NOL10: variants seen among roughly 807,000 people sequenced by gnomAD.
NOL10 encodes nucleolar protein 10.
NOL10 carries 58 observed loss-of-function variants against 103.5 expected under a neutral mutation model. That is an observed-to-expected ratio of 0.56 (90% CI 0.45 to 0.70). NOL10 has a LOEUF of 0.70. NOL10 is among the 30% of genes least tolerant of loss of function. The probability of loss-of-function intolerance (pLI) is 0.00; values close to 1 mark genes in which losing one functional copy is unlikely to be tolerated. For missense variants in NOL10, 763 were observed against 807.3 expected (o/e 0.95, Z 0.67); for synonymous variants, 287 against 282.5 (o/e 1.02, Z -0.16).
chr2:10,654,697 T>C (rs1204451088), intron 11 of NOL10, 150 bp from the exon 12 acceptor site: 4 of 502,678 alleles, frequency 8.0e-6, no homozygotes, highest in Non-Finnish European at 1.1e-5. Context: ...TTAAAAATCT[T>C]AGAGAATTTA....
intron 1 of NOL10, 86 bp downstream of exon 1, chr2:10,689,710 G>A: frequency 7.4e-7 from 1 of 1,356,616 alleles, no homozygotes; most frequent in Non-Finnish European, 1.0e-6. Flanking sequence ...CTAAAACAGA[G>A]GCTAGGGCCG....
chr2:10,613,000 T>TC, intron 13 of NOL10, among the ~76,000 whole-genome samples: 2 of 126,574 alleles, frequency 1.6e-5, no homozygotes, highest in Admixed American at 1.6e-4. Flanking sequence ...TAAGACCCTG[T>TC]TAAAAAAAAA....
intron 20 of NOL10, among the ~76,000 whole-genome samples, chr2:10,573,829 C>T (rs186261732): frequency 2.2e-3 from 336 of 152,280 alleles, no homozygotes; most frequent in African/African-American, 7.7e-3. Context: ...CCACTGTGCT[C>T]CGTCTCAAAG....
chr2:10,662,371 A>G (rs1437410419), intron 9 of NOL10, among the ~76,000 whole-genome samples: 1 of 152,198 alleles, frequency 6.6e-6, no homozygotes, highest in Non-Finnish European at 1.5e-5. Context: ...TGAGCAATGT[A>G]TGCTCTGGGC....
chr2:10,609,975 T>C (rs930407292), intron 13 of NOL10, among the ~76,000 whole-genome samples: 3 of 152,192 alleles, frequency 2.0e-5, no homozygotes, highest in Non-Finnish European at 4.4e-5. Context: ...AAAACACATA[T>C]GAATTTCATA....
At chr2:10,603,418 A>G (rs527747802) in intron 14 of NOL10, among the ~76,000 whole-genome samples, 1 of 152,318 alleles carries the variant, frequency 6.6e-6, no homozygotes, top group South Asian at 2.1e-4. Context: ...GGGTTCCCTT[A>G]TACCCTCTGA....
intron 19 of NOL10, among the ~76,000 whole-genome samples, 184 bp downstream of exon 19, chr2:10,588,859 C>T (rs1224024853): frequency 2.0e-5 from 3 of 152,220 alleles, no homozygotes; most frequent in African/African-American, 7.2e-5. Context: ...TCCCCTCAGG[C>T]CTCCTGGGTG....
In NOL10 at chr2:10,643,151, C is replaced by T. The variant is rs138197640; in HGVS notation, c.1026+1169G>A. Among the ~76,000 whole-genome samples the T allele has an allele frequency of 1.0e-3, 152 of 152,284 alleles. 2 individuals carry two copies. The highest frequency in any genetic ancestry group is 3.4e-3 in the Middle Eastern group (1 of 294). ...AAAACCAAAATGCTTCCTGTTTGAA[C>T]GGCCTTCATTTCACTACCAACCAAA... On this transcript the variant is annotated intron_variant, in intron 13 of 20. Coordinates refer to ENST00000381685, the MANE Select transcript of NOL10 (RefSeq NM_024894.4).
At chr2:10,593,127 T>C (rs1343955806) in intron 17 of NOL10, among the ~76,000 whole-genome samples, 5 of 118,034 alleles carry the variant, frequency 4.2e-5, no homozygotes, top group Non-Finnish European at 9.4e-5. Context: ...TGAAACAAAT[T>C]AGTTTTTTTT....
rs181991271 is a variant in NOL10 at position 10,664,257 on chromosome 2, C to G, written c.592-1213G>C. ...ACCAGCCTGGCCAATGGTGAAACCC[C>G]GTCTCTACTAAAAATACAAAATTAG... On this transcript the variant is annotated intron_variant, in intron 8 of 20. Coordinates refer to ENST00000381685, the MANE Select transcript of NOL10 (RefSeq NM_024894.4). Among the ~76,000 whole-genome samples the G allele has an allele frequency of 5.1e-3, 775 of 152,022 alleles. 8 individuals are homozygous for G. The highest frequency in any genetic ancestry group is 0.018 in the African/African-American group (737 of 41,468).
intron 12 of NOL10, among the ~76,000 whole-genome samples, chr2:10,646,448 G>C (rs1319211620): frequency 3.9e-5 from 6 of 152,138 alleles, no homozygotes; most frequent in African/African-American, 1.4e-4. Flanking sequence ...TAAAAATGGA[G>C]GAGGATCTCA....
chr2:10,657,699 C>T, intron 11 of NOL10, 43 bp downstream of exon 11: 1 of 1,510,608 alleles, frequency 6.6e-7, no homozygotes, highest in Non-Finnish European at 9.0e-7. Context: ...ATTCGGAACA[C>T]CTGCAAATAA....
intron 19 of NOL10, 125 bp downstream of exon 19, chr2:10,588,918 G>A (rs534917358): frequency 2.9e-5 from 40 of 1,398,984 alleles, no homozygotes; most frequent in African/African-American, 1.7e-4. Context: ...TGCTTCCCTC[G>A]TCCCCTCCAC....
chr2:10,657,422 G>A (rs921470742), intron 11 of NOL10, among the ~76,000 whole-genome samples: 7 of 151,976 alleles, frequency 4.6e-5, no homozygotes, highest in African/African-American at 1.5e-4. Context: ...CACCTGTGAG[G>A]GAATCTCAAT....
chr2:10,573,955 G>A (rs1175327121), intron 20 of NOL10, among the ~76,000 whole-genome samples: 3 of 152,056 alleles, frequency 2.0e-5, no homozygotes, highest in Non-Finnish European at 4.4e-5. Context: ...TGCAGCAACC[G>A]GAAGGATTTA....
chr2:10,663,258 T>C (rs747134451), intron 8 of NOL10, among the ~76,000 whole-genome samples: 6 of 151,830 alleles, frequency 4.0e-5, no homozygotes, highest in African/African-American at 9.7e-5. Flanking sequence ...TCCCAGCTAC[T>C]TGGGAGGCTA....
chr2:10,603,181 A>G, intron 14 of NOL10, 24 bp from the exon 15 acceptor site: 2 of 1,559,862 alleles, frequency 1.3e-6, no homozygotes, highest in Middle Eastern at 1.7e-4. Flanking sequence ...AACAGAAGAC[A>G]GCAGGTCCTT....
At chr2:10,629,662 C>T (rs1280481626) in intron 13 of NOL10, among the ~76,000 whole-genome samples, 1 of 152,206 alleles carries the variant, frequency 6.6e-6, no homozygotes, top group Non-Finnish European at 1.5e-5. Context: ...TCACTGCTTT[C>T]TGTTTCAATA....
chr2:10,584,265 C>T (rs1674910567), intron 19 of NOL10, among the ~76,000 whole-genome samples: 1 of 152,148 alleles, frequency 6.6e-6, no homozygotes, highest in African/African-American at 2.4e-5. Context: ...CTTCCCATCC[C>T]CTGGGTCTAG....
Sources: allele counts gnomAD v4.1 joint callset (sites outside exome capture counted in the v4.1 genomes callset), GRCh38; gene constraint gnomAD v4.1.1; transcripts MANE v1.5; gene names NCBI Gene and HGNC (gene_info 2026-07-23, HGNC 2026-07-21).